BTBD8: variants seen among roughly 807,000 people sequenced by gnomAD.
The protein encoded by BTBD8 is BTB domain containing 8, also known as BTB/POZ domain-containing protein 8.
Under a neutral mutation model 162.9 loss-of-function variants are expected in BTBD8, and 110 were observed. The observed-to-expected ratio is 0.68, with a 90% CI of 0.58 to 0.79. The LOEUF is 0.79. Ranked by LOEUF, BTBD8 falls within the 30% of genes least tolerant of loss-of-function variation. The pLI, the probability that BTBD8 is intolerant of heterozygous loss-of-function variation, is 0.00. For missense variants in BTBD8, 1,905 were observed against 2,085.4 expected (o/e 0.91, Z 1.68); for synonymous variants, 667 against 716.1 (o/e 0.93, Z 1.10).
chr1:92,177,017 G>T lies in BTBD8; in HGVS notation c.1824G>T (p.Lys608Asn). Residue 608 changes from lysine (K) to asparagine (N), a missense_variant, in exon 14 of 18, where the codon AAG becomes AAT. Lys to Asn is a moderately conservative substitution (Grantham distance 94). This residue lies in a region of BTBD8 where 1,374 missense variants were observed against 1,442.7 expected (regional missense o/e 0.95). Transcript: ENST00000636805. The part of the protein sequence containing the change: ...INKTLKQDDV[K>N]EKDGTKIASK... ...AAACTCTGAAGCAAGATGATGTAAA[G>T]GAAAAAGATGGTACAAAAATAGCAT... 6.5e-7 allele frequency: 1 copy of T among 1,548,076 alleles called. No individual in the cohort carries two copies. The highest frequency in any genetic ancestry group is 1.2e-5 in the South Asian group (1 of 83,552).
rs1195372325 is a variant in BTBD8, at chr1:92,174,851, G to A, written c.1636-1978G>A. The stretch of plus-strand genomic sequence containing the variant: ...AATCTAGTGGTTGTTTTATCACCGT[G>A]CTTTCCTTTTTTCTAAATTTAACCA... On this transcript the variant is annotated intron_variant, in intron 13 of 17. Transcript: ENST00000636805. 2.0e-5 allele frequency among the ~76,000 whole-genome samples: 3 copies of A among 151,992 alleles called. No homozygotes were observed. The East Asian group carries it at 5.8e-4, about 29-fold the overall frequency.
chr1:92,139,071 A>G (rs1392926440), intron 5 of BTBD8, among the ~76,000 whole-genome samples: 2 of 152,216 alleles, frequency 1.3e-5, no homozygotes, highest in East Asian at 3.8e-4. Context: ...GACAGTGAGT[A>G]GAAGTGTTTT....
intron 9 of BTBD8, among the ~76,000 whole-genome samples, chr1:92,156,797 T>A (rs543997189): frequency 2.0e-5 from 3 of 152,232 alleles, no homozygotes; most frequent in South Asian, 2.1e-4. Context: ...CTCTTTCATT[T>A]TGGATTGTAT....
At chr1:92,176,148 G>A (rs751205783) in intron 13 of BTBD8, among the ~76,000 whole-genome samples, 1 of 152,094 alleles carries the variant, frequency 6.6e-6, no homozygotes, top group Non-Finnish European at 1.5e-5. Context: ...AAGAAGTAAA[G>A]GATTCTTCCC....
intron 1 of BTBD8, 124 bp from the exon 2 acceptor site, chr1:92,088,573 TG>T (rs967280355): frequency 2.8e-6 from 2 of 712,080 alleles, no homozygotes; most frequent in African/African-American, 3.6e-5. Context: ...AACTCATTTT[TG>T]TATTAACTTT....
chr1:92,160,582 T>C (rs1344380842), intron 9 of BTBD8, among the ~76,000 whole-genome samples: 1 of 152,064 alleles, frequency 6.6e-6, no homozygotes, highest in Non-Finnish European at 1.5e-5. Flanking sequence ...TCCAAGCATC[T>C]AGAGTATCCT....
chr1:92,168,762 C>T, intron 11 of BTBD8, 104 bp from the exon 12 acceptor site: 1 of 1,067,982 alleles, frequency 9.4e-7, no homozygotes, highest in Middle Eastern at 2.2e-4. Flanking sequence ...TAAATGATGA[C>T]ATCATTGATC....
chr1:92,149,414 A>C (rs1027697990), intron 9 of BTBD8, among the ~76,000 whole-genome samples: 1 of 152,210 alleles, frequency 6.6e-6, no homozygotes, highest in Non-Finnish European at 1.5e-5. Context: ...GTGGAGGGAT[A>C]GTTGTATCAT....
chr1:92,126,319 A>G, intron 4 of BTBD8: 1 of 593,578 alleles, frequency 1.7e-6, no homozygotes, highest in Non-Finnish European at 3.3e-6. Flanking sequence ...TTCCTGATGA[A>G]TCACCCTCCT....
chr1:92,080,579 G>T lies in BTBD8; in HGVS notation c.8G>T (p.Arg3Leu), dbSNP rs1343043254. 1 of 1,613,908 alleles carries T rather than the reference G, an allele frequency of 6.2e-7. No homozygotes were observed. Among genetic ancestry groups the T allele is most frequent in the Admixed American group, 1.7e-5 (1 of 60,010 alleles). ...GTCGTACCTCTGTGAGACATGGCTC[G>T]CTGTGGGGAAGGCAGTGCGGCCCCC... MA[R>L]CGEGSAAPMV... The change falls in exon 1 of 18, where the codon CGC becomes CTC. Residue 3 changes from arginine to leucine, a missense_variant. This residue lies in a region of BTBD8 where 1,374 missense variants were observed against 1,442.7 expected (regional missense o/e 0.95). Coordinates refer to ENST00000636805, the MANE Select transcript of BTBD8 (RefSeq NM_001376131.1).
rs78722369 is a variant in BTBD8, at chr1:92,123,552, T to C, written c.663-6135T>C. Among the ~76,000 whole-genome samples, 869 of 152,290 alleles carry C rather than the reference T, an allele frequency of 5.7e-3. 6 individuals are homozygous for C. The highest frequency in any genetic ancestry group is 0.018 in the African/African-American group (761 of 41,576). The stretch of plus-strand genomic sequence containing the variant: ...TTTACTGTAGAGGTCTTACACATTT[T>C]GTTACATTTGTTGCTATGTGTTTGA... On this transcript the variant is annotated intron_variant, in intron 4 of 17. Transcript: ENST00000636805.
At position 92,159,068 on chromosome 1, in the gene BTBD8, T is replaced by C. The variant is rs147917243; in HGVS notation, c.1123-7890T>C. Among the ~76,000 whole-genome samples, 149 of 152,288 alleles carry C rather than the reference T, an allele frequency of 9.8e-4. 2 individuals are homozygous for C. The highest frequency in any genetic ancestry group is 6.2e-3 in the South Asian group (30 of 4,816). On this transcript the variant is annotated intron_variant, in intron 9 of 17. Coordinates refer to ENST00000636805, the MANE Select transcript of BTBD8 (RefSeq NM_001376131.1). ...ACTGTGCCCAGCCAAAATCTTTAAGTGATTTATTCACTGCCATAAGTGATA... is the reference window on the plus strand; with the variant it reads ...ACTGTGCCCAGCCAAAATCTTTAAGCGATTTATTCACTGCCATAAGTGATA...
At chr1:92,175,382 G>A (rs935018227) in intron 13 of BTBD8, among the ~76,000 whole-genome samples, 2 of 150,974 alleles carry the variant, frequency 1.3e-5, no homozygotes, top group South Asian at 2.1e-4. Flanking sequence ...GGGAGGCTGA[G>A]GCAGGGGAAT....
intron 9 of BTBD8, among the ~76,000 whole-genome samples, chr1:92,157,580 T>A (rs1362713819): frequency 6.6e-6 from 1 of 152,172 alleles, no homozygotes; most frequent in Non-Finnish European, 1.5e-5. Flanking sequence ...CATAGCTCAC[T>A]ACAGCCTCAA....
Position 92,182,114 on chromosome 1 carries a change from T to C in BTBD8, c.4431T>C (p.His1477=), listed in dbSNP as rs1301594427. The stretch of plus-strand genomic sequence containing the variant: ...CTGATGTTTTTGATGGCATTTCTCA[T>C]GAACATCATGGAAGGACCTGCTATT... ...SPSDVFDGIS[H]EHHGRTCYSR... The change falls in exon 17 of 18, where the codon CAT becomes CAC. Residue 1477 remains histidine, a synonymous_variant. Transcript: ENST00000636805. 1 of 1,551,446 alleles carries C rather than the reference T, an allele frequency of 6.4e-7. No individual in the cohort carries two copies. Among genetic ancestry groups the C allele is most frequent in the Non-Finnish European group, 8.7e-7 (1 of 1,146,924 alleles).
In BTBD8 at chr1:92,181,116, G is replaced by C; in HGVS notation, c.3433G>C (p.Val1145Leu). 6.4e-7 allele frequency: 1 copy of C among 1,551,598 alleles called. No individual in the cohort carries two copies. Among genetic ancestry groups the C allele is most frequent in the Non-Finnish European group, 8.7e-7 (1 of 1,146,966 alleles). ...KQSSIKCVEDVSLCNPERTNG... is the reference protein window; with the variant it reads ...KQSSIKCVEDLSLCNPERTNG... ...ATCAAGTATTAAATGTGTGGAAGAT[G>C]TTTCACTGTGTAATCCTGAAAGGAC... Residue 1145 changes from valine to leucine, a missense_variant, in exon 17 of 18, where the codon GTT (valine) becomes CTT (leucine). Around this residue, in one of 3 missense-constraint regions of BTBD8, gnomAD observed 1,374 missense variants for 1,442.7 expected, o/e 0.95. Coordinates refer to ENST00000636805, the MANE Select transcript of BTBD8 (RefSeq NM_001376131.1).
intron 4 of BTBD8, among the ~76,000 whole-genome samples, chr1:92,108,329 G>A (rs1027163914): frequency 7.7e-4 from 118 of 152,306 alleles, no homozygotes; most frequent in Non-Finnish European, 1.5e-3. Flanking sequence ...AAAATGTTCT[G>A]TTGCCTAAAA....
At chr1:92,160,630 G>T (rs946421535) in intron 9 of BTBD8, among the ~76,000 whole-genome samples, 1 of 151,774 alleles carries the variant, frequency 6.6e-6, no homozygotes, top group Non-Finnish European at 1.5e-5. Flanking sequence ...TCCTTGGTTA[G>T]CCCCCAGAAA....
rs1651029920 is a variant in BTBD8, at chr1:92,184,603, C to G, written c.*273C>G. 2 of 268,392 alleles carry G rather than the reference C, an allele frequency of 7.5e-6. No homozygotes were observed. Among genetic ancestry groups the G allele is most frequent in the Non-Finnish European group, 1.4e-5 (2 of 142,496 alleles). The allele number at this position is 268,392 out of a possible 1,614,324, so 16.6% of individuals were successfully genotyped here. Reference sequence around the variant, plus strand: ...TTCCTTTCCTAGCTGATGATTTGTTCACTTAATCATTATTCAAGAATTTAA... The same window carrying G: ...TTCCTTTCCTAGCTGATGATTTGTTGACTTAATCATTATTCAAGAATTTAA... On this transcript the variant is annotated 3_prime_UTR_variant, in exon 18 of 18. Coordinates refer to ENST00000636805, the MANE Select transcript of BTBD8 (RefSeq NM_001376131.1).
Sources: gnomAD v4.1 joint callset for allele counts (sites outside exome capture counted in the v4.1 genomes callset) on GRCh38, gnomAD v4.1.1 for gene constraint, gnomAD v4.1.1 regional missense constraint, MANE v1.5 for transcripts, NCBI Gene and HGNC (gene_info 2026-07-23, HGNC 2026-07-21) for gene names.